Variants in ANP32B observed in about 807,000 individuals in gnomAD.
The protein encoded by ANP32B is acidic nuclear phosphoprotein 32 family member B.
ANP32B carries 6 observed loss-of-function variants against 32.2 expected under a neutral mutation model. The ratio of observed to expected loss-of-function variants is 0.19; its 90% CI spans 0.10 to 0.37. The LOEUF (loss-of-function observed/expected upper bound fraction) is 0.37. ANP32B is among the 10% of genes least tolerant of loss of function. ANP32B has a pLI of 1.00. For missense variants in ANP32B, 204 were observed against 289.2 expected (o/e 0.71, Z 2.14); for synonymous variants, 98 against 105.8 (o/e 0.93, Z 0.45).
chr9:97,996,178 A>G (rs1210386380), intron 2 of ANP32B, among the ~76,000 whole-genome samples: 1 of 152,116 alleles, frequency 6.6e-6, no homozygotes, highest in African/African-American at 2.4e-5. Context: ...AGTTAAACAT[A>G]GTATAGCTTT....
chr9:98,009,199 A>AT (rs1364991019), intron 4 of ANP32B, among the ~76,000 whole-genome samples: 29 of 152,196 alleles, frequency 1.9e-4, no homozygotes, highest in African/African-American at 6.8e-4. Context: ...TTAAAAGATG[A>AT]TTTTCAGTAG....
At chr9:98,003,649 T>A (rs1324271983) in intron 3 of ANP32B, among the ~76,000 whole-genome samples, 1 of 152,200 alleles carries the variant, frequency 6.6e-6, no homozygotes, top group Admixed American at 6.6e-5. Flanking sequence ...TAAGGTTTTG[T>A]TTTGTCTGCA....
chr9:98,015,306 A>G, intron 6 of ANP32B, 58 bp from the exon 7 acceptor site: 1 of 1,541,390 alleles, frequency 6.5e-7, no homozygotes, highest in Non-Finnish European at 8.8e-7. Context: ...CTCCATTGGC[A>G]ATAATCTAAG....
At position 97,983,510 on chromosome 9, in the gene ANP32B, C is replaced by T. The variant is rs1291049985; in HGVS notation, c.-46C>T. The T allele has an allele frequency of 2.6e-6, 4 of 1,516,562 alleles. No homozygotes were observed. Among genetic ancestry groups the T allele is most frequent in the South Asian group, 1.2e-5 (1 of 82,014 alleles). The allele number at this position is 1,516,562 out of a possible 1,614,324, so 93.9% of individuals were successfully genotyped here. ...AGCCGGGACGCCTCTCCCCCCTCCG[C>T]CCCCGCCGCGGAAAGTTAAGTTTGA... On this transcript the variant is annotated 5_prime_UTR_variant, in exon 1 of 7. Coordinates refer to ENST00000339399, the MANE Select transcript of ANP32B (RefSeq NM_006401.3).
intron 3 of ANP32B, among the ~76,000 whole-genome samples, chr9:97,999,839 G>A (rs1198925052): frequency 6.6e-6 from 1 of 152,224 alleles, no homozygotes; most frequent in Admixed American, 6.5e-5. Flanking sequence ...CCCACAGGCT[G>A]TGCTATTTGG....
intron 1 of ANP32B, among the ~76,000 whole-genome samples, chr9:97,991,900 G>A (rs1055710664): frequency 6.6e-6 from 1 of 152,150 alleles, no homozygotes; most frequent in African/African-American, 2.4e-5. Context: ...CAGAAAGTTG[G>A]TCCCTTTTAT....
intron 5 of ANP32B, among the ~76,000 whole-genome samples, 200 bp from the exon 6 acceptor site, chr9:98,012,221 T>C (rs573091361): frequency 6.6e-6 from 1 of 152,338 alleles, no homozygotes; most frequent in African/African-American, 2.4e-5. Context: ...AAAAAAATTT[T>C]TCTTAGAAAA....
chr9:97,994,218 C>G (rs368453125), intron 1 of ANP32B, among the ~76,000 whole-genome samples: 1 of 152,176 alleles, frequency 6.6e-6, no homozygotes, highest in Non-Finnish European at 1.5e-5. Context: ...AAGCTTTCCT[C>G]TTTTCCAGGG....
intron 1 of ANP32B, chr9:97,984,740 C>G (rs1004274515): frequency 1.3e-5 from 2 of 150,098 alleles, no homozygotes; most frequent in African/African-American, 4.9e-5. Context: ...CTGGCGGGAG[C>G]CGCGCGCCGC....
At chr9:97,986,580 C>T (rs958326050) in intron 1 of ANP32B, 2 of 152,230 alleles carry the variant, frequency 1.3e-5, no homozygotes, top group East Asian at 3.8e-4. Flanking sequence ...GAGGCGTCAT[C>T]CTTAAGGCAA....
In ANP32B at chr9:98,005,146, G is replaced by C. The variant is rs745616807; in HGVS notation, c.510G>C (p.Glu170Asp). ...AEVDGVDEEE[E>D]DEEGEDEEDE... is the part of the protein sequence containing the mutation. ...TGGATGGTGTGGATGAAGAGGAGGA[G>C]GACGAAGGTGAGTAGGCTCAGCATC... The change falls in exon 4 of 7, where the codon GAG becomes GAC. Residue 170 changes from glutamate (E) to aspartate (D), a missense_variant. Physicochemically the swap from Glu to Asp is conservative, Grantham distance 45 (BLOSUM62 2). Transcript: ENST00000339399. The C allele has an allele frequency of 3.7e-6, 6 of 1,612,670 alleles. No homozygotes were observed. Among genetic ancestry groups the C allele is most frequent in the Admixed American group, 1.7e-5 (1 of 59,696 alleles).
At position 98,004,979 on chromosome 9, in the gene ANP32B, C is replaced by T; in HGVS notation, c.343C>T (p.Leu115=). ...TTTTCTTCAGAAAAAGTTAGAATGTCTGAAAAGCCTGGACCTCTTTAACTG... is the reference window on the plus strand; with the variant it reads ...TTTTCTTCAGAAAAAGTTAGAATGTTTGAAAAGCCTGGACCTCTTTAACTG... ...TLEPLKKLEC[L]KSLDLFNCEV... Residue 115 remains leucine, a synonymous_variant, in exon 4 of 7, where the codon CTG becomes TTG. Coordinates refer to ENST00000339399, the MANE Select transcript of ANP32B (RefSeq NM_006401.3). 1.2e-6 allele frequency: 2 copies of T among 1,602,458 alleles called. No homozygotes were observed. Among genetic ancestry groups the T allele is most frequent in the Non-Finnish European group, 1.7e-6 (2 of 1,176,690 alleles).
rs1209952423 is a variant in ANP32B, at chr9:98,015,841, AATTATT to A, written c.*420_*425del. 6 of 964,666 alleles carry A rather than the reference AATTATT, an allele frequency of 6.2e-6. No individual in the cohort carries two copies. The highest frequency in any genetic ancestry group is 5.3e-4 in the Middle Eastern group (1 of 1,898). 59.8% of individuals were successfully genotyped at this position (964,666 alleles called of 1,614,324 possible). A position where few individuals can be genotyped will look rare whatever the true frequency, so the allele number is the denominator to read the frequency against. ...TCTGTTTTTTCATGCTTTGCTTTTTAATTATTATTATTATTTTTTTTACATTAGGAC... is the reference window on the plus strand; with the variant it reads ...TCTGTTTTTTCATGCTTTGCTTTTTAATTATTATTTTTTTTACATTAGGAC... On this transcript the variant is annotated 3_prime_UTR_variant, in exon 7 of 7. Transcript: ENST00000339399.
chr9:97,994,480 T>G, intron 1 of ANP32B, 151 bp from the exon 2 acceptor site: 1 of 671,786 alleles, frequency 1.5e-6, no homozygotes, highest in Non-Finnish European at 2.4e-6. Context: ...TAATCAGTTT[T>G]TATCTTTTTA....
At chr9:98,012,557 A>G in intron 6 of ANP32B, 85 bp downstream of exon 6, 2 of 1,558,818 alleles carry the variant, frequency 1.3e-6, no homozygotes, top group Non-Finnish European at 1.7e-6. Context: ...ACCACTGAGA[A>G]GAAAATAAAA....
chr9:97,996,802 A>AT (rs546041271), intron 2 of ANP32B, among the ~76,000 whole-genome samples: 19 of 151,484 alleles, frequency 1.3e-4, no homozygotes, highest in Non-Finnish European at 2.8e-4. Flanking sequence ...GTTTCACCAT[A>AT]TTGGTCAGGC....
At chr9:98,005,723 C>G (rs984936714) in intron 4 of ANP32B, among the ~76,000 whole-genome samples, 1 of 152,114 alleles carries the variant, frequency 6.6e-6, no homozygotes, top group Non-Finnish European at 1.5e-5. Context: ...GAACCTGGCC[C>G]GGGAAGCATT....
intron 1 of ANP32B, among the ~76,000 whole-genome samples, chr9:97,988,210 A>G (rs960658399): frequency 6.6e-6 from 1 of 152,084 alleles, no homozygotes; most frequent in Non-Finnish European, 1.5e-5. Flanking sequence ...TAATGTCTGC[A>G]TAGATCATAA....
intron 3 of ANP32B, among the ~76,000 whole-genome samples, chr9:97,999,508 C>T (rs964946508): frequency 2.0e-5 from 3 of 152,112 alleles, no homozygotes; most frequent in Non-Finnish European, 4.4e-5. Flanking sequence ...CGCCAAGATC[C>T]TCCTCAGTCT....
Sources: gnomAD v4.1 joint callset for allele counts (sites outside exome capture counted in the v4.1 genomes callset) on GRCh38, gnomAD v4.1.1 for gene constraint, MANE v1.5 for transcripts, NCBI Gene and HGNC (gene_info 2026-07-23, HGNC 2026-07-21) for gene names.